Variants in SPTB observed in about 807,000 individuals in gnomAD.
The protein encoded by SPTB is spectrin beta chain, erythrocytic.
Under a neutral mutation model 256.2 loss-of-function variants are expected in SPTB, and 45 were observed. That is an observed-to-expected ratio of 0.18 (90% CI 0.14 to 0.23). The LOEUF is 0.23. Among genes scored for constraint, SPTB ranks in the 10% least tolerant of loss-of-function variants. SPTB has a pLI of 1.00. For synonymous variants in SPTB, 1,231 were observed against 1,243.1 expected (o/e 0.99, Z 0.21); for missense variants, 2,715 against 3,040.4 (o/e 0.89, Z 2.52).
In SPTB at chr14:64,841,817, C is replaced by T. The variant is rs865851984; in HGVS notation, c.-51-18672G>A. Among the ~76,000 whole-genome samples, 5 of 152,084 alleles carry T rather than the reference C, an allele frequency of 3.3e-5. No individual in the cohort carries two copies. The highest frequency in any genetic ancestry group is 7.3e-5 in the African/African-American group (3 of 41,374). ...ACCTATTTGCAAAAGAAGGGAAACCCCCGCGTATGGAACCAGAAGAGGGTT... is the reference window on the plus strand; with the variant it reads ...ACCTATTTGCAAAAGAAGGGAAACCTCCGCGTATGGAACCAGAAGAGGGTT... On this transcript the variant is annotated intron_variant, in intron 1 of 35. Coordinates refer to ENST00000644917, the MANE Select transcript of SPTB (RefSeq NM_001355436.2). The surrounding 1 kb of genome is among the most constrained non-coding windows in gnomAD (Gnocchi z 4.6).
Position 64,807,918 on chromosome 14 carries a change from G to A in SPTB, c.149-2828C>T, listed in dbSNP as rs953528634. ...TGCCAGGAGCCAGGCCTTATTTCCA[G>A]AGCCCTAACCCTGCCAGTGCAGGAA... On this transcript the variant is annotated intron_variant, in intron 2 of 35. Transcript: ENST00000644917. This position sits in a 1 kb window ranked among gnomAD's most constrained non-coding sequence, Gnocchi z 4.7. 2.6e-5 allele frequency among the ~76,000 whole-genome samples: 4 copies of A among 152,250 alleles called. No homozygotes were observed. Among genetic ancestry groups the A allele is most frequent in the Non-Finnish European group, 5.9e-5 (4 of 68,042 alleles).
intron 1 of SPTB, among the ~76,000 whole-genome samples, chr14:64,858,132 G>A (rs1327522266): frequency 2.6e-5 from 4 of 152,158 alleles, no homozygotes; most frequent in African/African-American, 4.8e-5. Flanking sequence ...AGGTCAGACC[G>A]TAGCCAAAGC....
chr14:64,782,166 G>T, intron 20 of SPTB, 124 bp downstream of exon 20: 1 of 1,369,406 alleles, frequency 7.3e-7, no homozygotes. Flanking sequence ...CCCATGACAT[G>T]TGTTTATCTA....
At chr14:64,752,090 TCTAAACAAAA>T in intron 33 of SPTB, 1 of 1,064,978 alleles carries the variant, frequency 9.4e-7, no homozygotes, top group Non-Finnish European at 1.2e-6. Flanking sequence ...TGAGACTCTG[TCTAAACAAAA>T]CAAAACAAAA....
At position 64,825,972 on chromosome 14, in the gene SPTB, G is replaced by A. The variant is rs1478568300; in HGVS notation, c.-51-2827C>T. Among the ~76,000 whole-genome samples the A allele has an allele frequency of 1.3e-5, 2 of 152,228 alleles. No homozygotes were observed. The highest frequency in any genetic ancestry group is 2.4e-5 in the African/African-American group (1 of 41,464). On this transcript the variant is annotated intron_variant, in intron 1 of 35. Transcript: ENST00000644917. This position sits in a 1 kb window ranked among gnomAD's most constrained non-coding sequence, Gnocchi z 4.8. ...ATATGTGTGTCTAAATATACAGCTG[G>A]AGGGTTTTTGTTTTTGTTTTTGTTT...
intron 20 of SPTB, 122 bp downstream of exon 20, chr14:64,782,168 G>T: frequency 1.4e-6 from 2 of 1,411,690 alleles, no homozygotes; most frequent in Non-Finnish European, 2.0e-6. Context: ...CATGACATGT[G>T]TTTATCTATG....
Position 64,782,457 on chromosome 14 carries a change from T to C in SPTB, c.4099A>G (p.Thr1367Ala), listed in dbSNP as rs1253412586. 1 of 1,614,162 alleles carries C rather than the reference T, an allele frequency of 6.2e-7. No homozygotes were observed. The highest frequency in any genetic ancestry group is 1.7e-5 in the Admixed American group (1 of 60,026). ...AGGTGCTGGGTCTTCTCCTTTGTGG[T>C]GGCCTGCAGCTCGTCCCAGAGCCGG... ...LHRLWDELQA[T>A]TKEKTQHLSA... is the part of the protein sequence containing the mutation. Residue 1367 changes from threonine (T) to alanine (A), a missense_variant, in exon 20 of 36, where the codon ACC becomes GCC. By Grantham distance (58) the Thr-to-Ala change is moderately conservative. Coordinates refer to ENST00000644917, the MANE Select transcript of SPTB (RefSeq NM_001355436.2).
intron 1 of SPTB, among the ~76,000 whole-genome samples, chr14:64,828,488 G>GTATATACTCATATACATATC (rs2083406121): frequency 6.6e-6 from 1 of 152,206 alleles, no homozygotes; most frequent in South Asian, 2.1e-4. Context: ...GGAGAGGGGA[G>GTATATACTCATATACATATC]AGATGATACT....
At chr14:64,838,493 T>A (rs1409858571) in intron 1 of SPTB, among the ~76,000 whole-genome samples, 1 of 152,190 alleles carries the variant, frequency 6.6e-6, no homozygotes, top group African/African-American at 2.4e-5. Context: ...AAAACATGTA[T>A]CTGATAAAGT....
In SPTB at chr14:64,791,703, C is replaced by T. The variant is rs778376975; in HGVS notation, c.2804+16G>A. On this transcript the variant is annotated intron_variant, in intron 15 of 35. Transcript: ENST00000644917. ...GAGAGACAATGCCCCCGCCCCATGC[C>T]CTACCCACACCCCACCTGGTGTTCA... The T allele has an allele frequency of 6.2e-7, 1 of 1,614,120 alleles. No homozygotes were observed. Among genetic ancestry groups the T allele is most frequent in the South Asian group, 1.1e-5 (1 of 91,076 alleles).
At chr14:64,750,556 G>A (rs1331993556) in intron 33 of SPTB, among the ~76,000 whole-genome samples, 7 of 151,944 alleles carry the variant, frequency 4.6e-5, no homozygotes, top group East Asian at 1.9e-4. Context: ...CGGGCGGACC[G>A]CCTGAGGTCA....
In SPTB at chr14:64,814,667, C is replaced by A. The variant is rs144294031; in HGVS notation, c.148+8280G>T. Reference sequence around the variant, plus strand: ...AGTAGCTGGGATCACAGGCATGTGCCACCACACCCAGCTAATTTTTTGTAT... The same window carrying A: ...AGTAGCTGGGATCACAGGCATGTGCAACCACACCCAGCTAATTTTTTGTAT... On this transcript the variant is annotated intron_variant, in intron 2 of 35. Coordinates refer to ENST00000644917, the MANE Select transcript of SPTB (RefSeq NM_001355436.2). Among the ~76,000 whole-genome samples, 736 of 152,232 alleles carry A rather than the reference C, an allele frequency of 4.8e-3. 12 individuals carry two copies. Among genetic ancestry groups the A allele is most frequent in the African/African-American group, 0.017 (705 of 41,536 alleles).
At position 64,795,370 on chromosome 14, in the gene SPTB, C is replaced by A; in HGVS notation, c.1611G>T (p.Met537Ile). 6.2e-7 allele frequency: 1 copy of A among 1,613,168 alleles called. No individual in the cohort carries two copies. The highest frequency in any genetic ancestry group is 8.5e-7 in the Non-Finnish European group (1 of 1,180,024). ...TLALQKLFQD[M>I]LHSIDWMDEI... ...CATCCATCCAGTCGATGCTGTGCAG[C>A]ATGTCCTGGAAGAGCTTCTGCAGTG... Residue 537 changes from methionine to isoleucine, a missense_variant, in exon 12 of 36, where the codon ATG becomes ATT. By Grantham distance (10) the Met-to-Ile change is conservative. This residue lies in a region of SPTB where 2,239 missense variants were observed against 2,384.4 expected (regional missense o/e 0.94). Transcript: ENST00000644917. The surrounding 1 kb of genome is among the most constrained non-coding windows in gnomAD (Gnocchi z 6.5).
chr14:64,870,525 AAAGTCTACAATCT>A, intron 1 of SPTB, among the ~76,000 whole-genome samples: 1 of 152,346 alleles, frequency 6.6e-6, no homozygotes, highest in East Asian at 1.9e-4. Flanking sequence ...CTGTCCTCTA[AAAGTCTACAATCT>A]AAAAACAGGC....
Position 64,779,931 on chromosome 14 carries a change from G to A in SPTB, c.4267C>T (p.Arg1423Ter), listed in dbSNP as rs1594767593. Residue 1423 changes from arginine (R) to a stop codon, truncating the protein, a stop_gained and splice_region_variant, in exon 21 of 36, where the codon CGA becomes TGA. Coordinates refer to ENST00000644917, the MANE Select transcript of SPTB (RefSeq NM_001355436.2). LOFTEE classifies it high-confidence loss of function. The surrounding 1 kb of genome is among the most constrained non-coding windows in gnomAD (Gnocchi z 4.2). Reference sequence around the variant, plus strand: ...CGCACATTCACTTGGTCCTCCACTCGCTGAGACACAAGGGGACGGTGTCAG... The same window carrying A: ...CGCACATTCACTTGGTCCTCCACTCACTGAGACACAAGGGGACGGTGTCAG... ...SVNRMLAKLK[R>*]VEDQVNVRKE... The A allele has an allele frequency of 1.9e-6, 3 of 1,613,530 alleles. No homozygotes were observed. Among genetic ancestry groups the A allele is most frequent in the Non-Finnish European group, 8.5e-7 (1 of 1,179,722 alleles).
Position 64,785,838 on chromosome 14 carries a change from C to A in SPTB, c.3675G>T (p.Leu1225Phe). The change falls in exon 17 of 36, where the codon TTG becomes TTT. Residue 1225 changes from leucine (L) to phenylalanine (F), a missense_variant. By Grantham distance (22) the Leu-to-Phe change is conservative. Around this residue, in one of 4 missense-constraint regions of SPTB, gnomAD observed 2,239 missense variants for 2,384.4 expected, o/e 0.94. Coordinates refer to ENST00000644917, the MANE Select transcript of SPTB (RefSeq NM_001355436.2). This position sits in a 1 kb window ranked among gnomAD's most constrained non-coding sequence, Gnocchi z 4.4. ...GCTTGTTTCCAGAGTCCACAGGACT[C>A]AAGACCTTATCCCGGTTGTTCTCCA... Reference protein sequence around the residue: ...GSMENNRDKVLSPVDSGNKLV... With the variant: ...GSMENNRDKVFSPVDSGNKLV... 1 of 1,614,118 alleles carries A rather than the reference C, an allele frequency of 6.2e-7. No individual in the cohort carries two copies. Among genetic ancestry groups the A allele is most frequent in the Non-Finnish European group, 8.5e-7 (1 of 1,180,020 alleles).
At chr14:64,787,971 G>A (rs994991219) in intron 15 of SPTB, among the ~76,000 whole-genome samples, 1 of 152,168 alleles carries the variant, frequency 6.6e-6, no homozygotes, top group Non-Finnish European at 1.5e-5. Context: ...CATCTTTCTC[G>A]AACACCCACA....
At chr14:64,876,903 T>A (rs765176175) in intron 1 of SPTB, among the ~76,000 whole-genome samples, 2 of 152,128 alleles carry the variant, frequency 1.3e-5, no homozygotes, top group Non-Finnish European at 2.9e-5. Flanking sequence ...AGAAATGAAC[T>A]CGAGTAATAA....
intron 33 of SPTB, among the ~76,000 whole-genome samples, chr14:64,751,927 C>CAAAAAAGAAAAAAAAAAAAAAAAA (rs2081955776): frequency 1.4e-5 from 1 of 71,940 alleles, no homozygotes; most frequent in Non-Finnish European, 2.9e-5. Flanking sequence ...ACTAAAAATG[C>CAAAAAAGAAAAAAAAAAAAAAAAA]AAAAAAAAAA....
Sources: gnomAD v4.1 joint callset for allele counts (sites outside exome capture counted in the v4.1 genomes callset) on GRCh38, gnomAD v4.1.1 for gene constraint, gnomAD v4.1.1 regional missense constraint, Gnocchi (gnomAD v3.1) non-coding constraint, MANE v1.5 for transcripts, NCBI Gene and HGNC (gene_info 2026-07-23, HGNC 2026-07-21) for gene names.